The following KCNQ1 variants were observed in gnomAD, a reference collection of about 807,000 sequenced individuals.
KCNQ1 encodes potassium voltage-gated channel subfamily KQT member 1.
KCNQ1 carries 49 observed loss-of-function variants against 72.4 expected under a neutral mutation model. That is an observed-to-expected ratio of 0.68 (90% confidence interval 0.54 to 0.86). KCNQ1 has a LOEUF of 0.86. KCNQ1 is among the 40% of genes least tolerant of loss of function. KCNQ1 has a pLI of 0.00. For missense variants in KCNQ1, 790 were observed against 945.1 expected (o/e 0.84, Z 2.15); for synonymous variants, 450 against 412.6 (o/e 1.09, Z -1.10).
intron 1 of KCNQ1, among the ~76,000 whole-genome samples, chr11:2,480,389 C>T (rs370679354): frequency 2.0e-4 from 31 of 152,224 alleles, no homozygotes; most frequent in East Asian, 3.9e-4. Flanking sequence ...ACAATCATGG[C>T]GGAAGATGAA....
chr11:2,714,914 G>A (rs868457320), intron 11 of KCNQ1, among the ~76,000 whole-genome samples: 6 of 151,856 alleles, frequency 4.0e-5, no homozygotes, highest in African/African-American at 1.2e-4. Context: ...TCTCCAGCTC[G>A]TCAGTGTTAC....
chr11:2,519,271 A>G (rs1377943071), intron 1 of KCNQ1, among the ~76,000 whole-genome samples: 5 of 152,208 alleles, frequency 3.3e-5, no homozygotes, highest in African/African-American at 4.8e-5. Flanking sequence ...TCTCTCCAAC[A>G]TGACAGGGTT....
chr11:2,700,482 G>T (rs909469324), intron 11 of KCNQ1, among the ~76,000 whole-genome samples: 2 of 152,082 alleles, frequency 1.3e-5, no homozygotes, highest in African/African-American at 4.8e-5. Flanking sequence ...CAGCCCCTCC[G>T]CCGGCGCCGC....
Position 2,652,393 on chromosome 11 carries a change from CA to C in KCNQ1, c.1394-9567del, listed in dbSNP as rs1849771293. The C allele has an allele frequency of 2.5e-6, 1 of 398,626 alleles. No homozygotes were observed. Among genetic ancestry groups the C allele is most frequent in the Non-Finnish European group, 4.4e-6 (1 of 226,052 alleles). The allele number at this position is 398,626 out of a possible 1,614,324, so 24.7% of individuals were successfully genotyped here. A position where few individuals can be genotyped will look rare whatever the true frequency, so the allele number is the denominator to read the frequency against. ...AGATCGCTCTTAATTAGATTAAAAA[CA>C]TTTTTTTCTTCCTGTGTAATTTTGT... On this transcript the variant is annotated intron_variant, in intron 10 of 15. Transcript: ENST00000155840. This position sits in a 1 kb window ranked among gnomAD's most constrained non-coding sequence, Gnocchi z 5.9.
At chr11:2,791,870 T>A (rs1362995047) in intron 15 of KCNQ1, among the ~76,000 whole-genome samples, 1 of 152,212 alleles carries the variant, frequency 6.6e-6, no homozygotes, top group Non-Finnish European at 1.5e-5. Context: ...CTTTGGACGG[T>A]GGCGTCCACA....
intron 15 of KCNQ1, among the ~76,000 whole-genome samples, chr11:2,837,551 G>A (rs1848099072): frequency 1.3e-5 from 2 of 152,232 alleles, no homozygotes; most frequent in South Asian, 4.1e-4. Context: ...GCTGTGCAGT[G>A]CCCTGCCCTC....
intron 11 of KCNQ1, chr11:2,665,949 C>T (rs1850059263): frequency 5.0e-6 from 2 of 398,456 alleles, no homozygotes; most frequent in Non-Finnish European, 8.8e-6. Flanking sequence ...TTGTGAAATC[C>T]TCCCTCACAC....
In KCNQ1 at chr11:2,679,903, A is replaced by AT. The variant is rs544035123; in HGVS notation, c.1514+17830dup. ...CACGCCTAATTTTTTTTTTATTTTTATTTTTTTTGAGGCAGAGTCTCACTT... is the reference window on the plus strand; with the variant it reads ...CACGCCTAATTTTTTTTTTATTTTTATTTTTTTTTGAGGCAGAGTCTCACTT... On this transcript the variant is annotated intron_variant, in intron 11 of 15. Coordinates refer to ENST00000155840, the MANE Select transcript of KCNQ1 (RefSeq NM_000218.3). This position sits in a 1 kb window ranked among gnomAD's most constrained non-coding sequence, Gnocchi z 4.8. The AT allele has an allele frequency of 1.5e-3, 599 of 395,892 alleles. No homozygotes were observed. Among genetic ancestry groups the AT allele is most frequent in the Non-Finnish European group, 2.1e-3 (466 of 225,318 alleles). 24.5% of individuals were successfully genotyped at this position (395,892 alleles called of 1,614,324 possible). A position where few individuals can be genotyped will look rare whatever the true frequency, so the allele number is the denominator to read the frequency against.
rs909683656 is a variant in KCNQ1, at chr11:2,816,742, G to A, written c.1795-31025G>A. ...GCCCACTGCCCTGGCTGGACTCCCTGCACTGAACGCTCCTCCCAGCTCATG... is the reference window on the plus strand; with the variant it reads ...GCCCACTGCCCTGGCTGGACTCCCTACACTGAACGCTCCTCCCAGCTCATG... On this transcript the variant is annotated intron_variant, in intron 15 of 15. Coordinates refer to ENST00000155840, the MANE Select transcript of KCNQ1 (RefSeq NM_000218.3). The surrounding 1 kb of genome is among the most constrained non-coding windows in gnomAD (Gnocchi z 6.8). Among the ~76,000 whole-genome samples the A allele has an allele frequency of 6.6e-6, 1 of 152,074 alleles. No homozygotes were observed. Among genetic ancestry groups the A allele is most frequent in the African/African-American group, 2.4e-5 (1 of 41,406 alleles).
rs536984070 is a variant in KCNQ1, at chr11:2,816,733, G to A, written c.1795-31034G>A. On this transcript the variant is annotated intron_variant, in intron 15 of 15. Coordinates refer to ENST00000155840, the MANE Select transcript of KCNQ1 (RefSeq NM_000218.3). The surrounding 1 kb of genome is among the most constrained non-coding windows in gnomAD (Gnocchi z 6.8). The stretch of plus-strand genomic sequence containing the variant: ...CCGCCTCAGGCCCACTGCCCTGGCT[G>A]GACTCCCTGCACTGAACGCTCCTCC... Among the ~76,000 whole-genome samples, 148 of 152,174 alleles carry A rather than the reference G, an allele frequency of 9.7e-4. No homozygotes were observed. Among genetic ancestry groups the A allele is most frequent in the African/African-American group, 3.4e-3 (143 of 41,520 alleles).
chr11:2,657,159 T>C lies in KCNQ1; in HGVS notation c.1394-4802T>C. The C allele has an allele frequency of 7.5e-6, 3 of 398,656 alleles. No homozygotes were observed. Among genetic ancestry groups the C allele is most frequent in the Non-Finnish European group, 1.3e-5 (3 of 226,062 alleles). 24.7% of individuals were successfully genotyped at this position (398,656 alleles called of 1,614,324 possible). Reference sequence around the variant, plus strand: ...AAGTACTGATGTTTGGTACAGCAAGTTCTCCCACCTTGTTCTTCTTCAAGA... The same window carrying C: ...AAGTACTGATGTTTGGTACAGCAAGCTCTCCCACCTTGTTCTTCTTCAAGA... On this transcript the variant is annotated intron_variant, in intron 10 of 15. Transcript: ENST00000155840. This position sits in a 1 kb window ranked among gnomAD's most constrained non-coding sequence, Gnocchi z 4.8.
Position 2,647,221 on chromosome 11 carries a change from A to G in KCNQ1, c.1394-14740A>G. The G allele has an allele frequency of 2.5e-6, 1 of 398,360 alleles. No homozygotes were observed. The allele number at this position is 398,360 out of a possible 1,614,324, so 24.7% of individuals were successfully genotyped here. On this transcript the variant is annotated intron_variant, in intron 10 of 15. Transcript: ENST00000155840. This position sits in a 1 kb window ranked among gnomAD's most constrained non-coding sequence, Gnocchi z 4.0. Reference sequence around the variant, plus strand: ...TTTATCAGATGCTTTTTCTGCATCTATTGAGATGATCATGTATTTTTTTGT... The same window carrying G: ...TTTATCAGATGCTTTTTCTGCATCTGTTGAGATGATCATGTATTTTTTTGT...
intron 11 of KCNQ1, chr11:2,693,461 T>C: frequency 2.5e-6 from 1 of 398,700 alleles, no homozygotes; most frequent in Non-Finnish European, 4.4e-6. Context: ...CCCCATTCTC[T>C]AATGCTAATT....
In KCNQ1 at chr11:2,509,824, C is replaced by T. The variant is rs930499993; in HGVS notation, c.387-18104C>T. On this transcript the variant is annotated intron_variant, in intron 1 of 15. Coordinates refer to ENST00000155840, the MANE Select transcript of KCNQ1 (RefSeq NM_000218.3). The surrounding 1 kb of genome is among the most constrained non-coding windows in gnomAD (Gnocchi z 6.3). ...TGGACTGGGAGGTGTGGACAGGGAA[C>T]CCTGGCGGGGCCGGCCAATGGTGGC... 4.6e-5 allele frequency among the ~76,000 whole-genome samples: 7 copies of T among 152,130 alleles called. No individual in the cohort carries two copies. Among genetic ancestry groups the T allele is most frequent in the African/African-American group, 1.7e-4 (7 of 41,420 alleles).
At chr11:2,557,124 A>G (rs1376717494) in intron 2 of KCNQ1, among the ~76,000 whole-genome samples, 2 of 152,228 alleles carry the variant, frequency 1.3e-5, no homozygotes, top group African/African-American at 4.8e-5. Flanking sequence ...GGAATGGCCA[A>G]AGAGAGGCCA....
chr11:2,738,156 A>G (rs1397765014), intron 11 of KCNQ1, among the ~76,000 whole-genome samples: 1 of 147,350 alleles, frequency 6.8e-6, no homozygotes, highest in African/African-American at 2.6e-5. Flanking sequence ...AATGGTGGGG[A>G]GGGAGGAGAG....
rs545580668 is a variant in KCNQ1 at position 2,695,104 on chromosome 11, C to A, written c.1514+33023C>A. ...AGAAATAGAAGCCACTAGAGGGTAT[C>A]TGGCAGGAGAGTCATGGAGGCACAT... is the stretch of plus-strand genomic sequence containing the variant. On this transcript the variant is annotated intron_variant, in intron 11 of 15. Transcript: ENST00000155840. This position sits in a 1 kb window ranked among gnomAD's most constrained non-coding sequence, Gnocchi z 5.2. 1 of 398,646 alleles carries A rather than the reference C, an allele frequency of 2.5e-6. No homozygotes were observed. Among genetic ancestry groups the A allele is most frequent in the East Asian group, 3.6e-5 (1 of 28,080 alleles). 24.7% of individuals were successfully genotyped at this position (398,646 alleles called of 1,614,324 possible). A position where few individuals can be genotyped will look rare whatever the true frequency, so the allele number is the denominator to read the frequency against.
At position 2,642,190 on chromosome 11, in the gene KCNQ1, T is replaced by A. The variant is rs1849590930; in HGVS notation, c.1394-19771T>A. 1 of 398,356 alleles carries A rather than the reference T, an allele frequency of 2.5e-6. No homozygotes were observed. The highest frequency in any genetic ancestry group is 2.1e-5 in the African/African-American group (1 of 48,640). 24.7% of individuals were successfully genotyped at this position (398,356 alleles called of 1,614,324 possible). On this transcript the variant is annotated intron_variant, in intron 10 of 15. Coordinates refer to ENST00000155840, the MANE Select transcript of KCNQ1 (RefSeq NM_000218.3). The surrounding 1 kb of genome is among the most constrained non-coding windows in gnomAD (Gnocchi z 4.3). ...GTATTTTGAGAGAGACTGCATTGAA[T>A]CTGTAGATTGCTTTGGGTAGTATGG...
Position 2,563,289 on chromosome 11 carries a change from C to T in KCNQ1, c.478-7339C>T, listed in dbSNP as rs79891785. ...GCCTTCTCGGAGAACACCGGTTCCA[C>T]GGCCGGTTGCAACACGTTTGAGCCA... is the stretch of plus-strand genomic sequence containing the variant. On this transcript the variant is annotated intron_variant, in intron 2 of 15. Coordinates refer to ENST00000155840, the MANE Select transcript of KCNQ1 (RefSeq NM_000218.3). The surrounding 1 kb of genome is among the most constrained non-coding windows in gnomAD (Gnocchi z 7.4). 2.0e-5 allele frequency among the ~76,000 whole-genome samples: 3 copies of T among 152,208 alleles called. No individual in the cohort carries two copies. The highest frequency in any genetic ancestry group is 7.2e-5 in the African/African-American group (3 of 41,452).
Sources: gnomAD v4.1 joint callset for allele counts (sites outside exome capture counted in the v4.1 genomes callset) on GRCh38, gnomAD v4.1.1 for gene constraint, Gnocchi (gnomAD v3.1) non-coding constraint, MANE v1.5 for transcripts, NCBI Gene and HGNC (gene_info 2026-07-23, HGNC 2026-07-21) for gene names.